Variants in TNPO1 observed in about 807,000 individuals in gnomAD.
TNPO1 encodes the protein transportin 1.
TNPO1 carries 8 observed loss-of-function variants against 119.5 expected under a neutral mutation model. That is an observed-to-expected ratio of 0.07 (90% CI 0.04 to 0.12). The LOEUF is 0.12. Ranked by LOEUF, TNPO1 falls within the 10% of genes least tolerant of loss-of-function variation. The pLI is 1.00. For synonymous variants in TNPO1, 362 were observed against 363.0 expected, an observed-to-expected ratio of 1.00 and a Z score of 0.03; for missense variants, 576 against 1,089.8, an observed-to-expected ratio of 0.53 and a Z score of 6.64.
intron 1 of TNPO1, 94 bp downstream of exon 1, chr5:72,816,846 C>T: frequency 1.4e-6 from 2 of 1,414,278 alleles, no homozygotes; most frequent in South Asian, 1.3e-5. Flanking sequence ...GGAGAGACGC[C>T]GGGCTCGCCC....
intron 6 of TNPO1, among the ~76,000 whole-genome samples, chr5:72,870,177 T>TTTTTTG (rs1747280135): frequency 6.7e-6 from 1 of 149,354 alleles, no homozygotes; most frequent in African/African-American, 2.5e-5. Flanking sequence ...TTTTTTTTTT[T>TTTTTTG]GAGACGGAGT....
Position 72,851,206 on chromosome 5 carries a change from T to C in TNPO1, c.130-38T>C, listed in dbSNP as rs1745522942. The C allele has an allele frequency of 3.2e-6, 4 of 1,233,778 alleles. No individual in the cohort carries two copies. The Admixed American group carries it at 5.6e-5, about 17-fold the overall frequency. 76.4% of individuals were successfully genotyped at this position (1,233,778 alleles called of 1,614,324 possible). A position where few individuals can be genotyped will look rare whatever the true frequency, so the allele number is the denominator to read the frequency against. On this transcript the variant is annotated intron_variant, in intron 2 of 24. Coordinates refer to ENST00000337273, the MANE Select transcript of TNPO1 (RefSeq NM_002270.4). Reference sequence around the variant, plus strand: ...TAAAATGCTTAATTTCTTCCTGAGATTACACAGAGAAGTTTCCTTAACTAC... The same window carrying C: ...TAAAATGCTTAATTTCTTCCTGAGACTACACAGAGAAGTTTCCTTAACTAC...
chr5:72,848,150 G>A (rs1580385412), intron 1 of TNPO1: 2 of 1,205,644 alleles, frequency 1.7e-6, no homozygotes, highest in East Asian at 8.0e-5. Context: ...CTTGCGCTCG[G>A]CGGCCGCGGC....
At chr5:72,865,390 C>T (rs549252719) in intron 5 of TNPO1, among the ~76,000 whole-genome samples, 923 of 88,868 alleles carry the variant, frequency 0.01, 6 homozygotes, top group Non-Finnish European at 0.016. Flanking sequence ...TGCAGTGACC[C>T]GAGATGGTGC....
intron 2 of TNPO1, among the ~76,000 whole-genome samples, 154 bp downstream of exon 2, chr5:72,848,652 C>T (rs1045484050): frequency 1.3e-5 from 2 of 149,296 alleles, no homozygotes; most frequent in African/African-American, 4.9e-5. Flanking sequence ...GGGGAAGCCG[C>T]CGCTGCCCCT....
Position 72,851,337 on chromosome 5 carries a change from T to C in TNPO1, c.205+18T>C, listed in dbSNP as rs758951722. ...ATCTGAAGGTAAGTAGGATTTGTAT[T>C]GATAACTATTTAAAGTTTCTTTAAG... On this transcript the variant is annotated intron_variant, in intron 3 of 24. Transcript: ENST00000337273. 15 of 1,393,784 alleles carry C rather than the reference T, an allele frequency of 1.1e-5. No individual in the cohort carries two copies. The South Asian group carries it at 1.8e-4, about 17-fold the overall frequency. The allele number at this position is 1,393,784 out of a possible 1,614,324, so 86.3% of individuals were successfully genotyped here.
intron 2 of TNPO1, among the ~76,000 whole-genome samples, chr5:72,849,739 CT>C (rs1433975582): frequency 2.6e-4 from 39 of 152,282 alleles, no homozygotes; most frequent in Middle Eastern, 3.4e-3. Flanking sequence ...GGAAAGAACA[CT>C]TTTGGAATGT....
chr5:72,890,472 G>A (rs1391672858), intron 14 of TNPO1, among the ~76,000 whole-genome samples: 2 of 152,154 alleles, frequency 1.3e-5, no homozygotes, highest in Admixed American at 6.5e-5. Context: ...GTCTAATGAG[G>A]ATTTAAGTGA....
intron 6 of TNPO1, among the ~76,000 whole-genome samples, chr5:72,866,857 G>A (rs149734197): frequency 2.6e-5 from 4 of 152,052 alleles, no homozygotes; most frequent in African/African-American, 7.2e-5. Flanking sequence ...TTTTTATTTT[G>A]TAGATGGTCA....
intron 14 of TNPO1, among the ~76,000 whole-genome samples, chr5:72,890,833 C>G (rs947300898): frequency 3.9e-5 from 6 of 152,090 alleles, no homozygotes; most frequent in African/African-American, 1.4e-4. Context: ...AGCCATATTA[C>G]ACGTTACAGT....
At chr5:72,893,070 A>G in intron 15 of TNPO1, 69 bp from the exon 16 acceptor site, 1 of 1,189,630 alleles carries the variant, frequency 8.4e-7, no homozygotes, top group East Asian at 2.4e-5. Context: ...TGTTGAGCGC[A>G]GTTTCAAGCA....
intron 1 of TNPO1, among the ~76,000 whole-genome samples, chr5:72,843,332 G>A (rs546538669): frequency 3.9e-5 from 6 of 152,208 alleles, no homozygotes; most frequent in African/African-American, 1.2e-4. Flanking sequence ...GGTGGCTCAC[G>A]CCTGTAATCC....
chr5:72,882,126 T>C (rs1445863726), intron 9 of TNPO1, among the ~76,000 whole-genome samples: 3 of 152,212 alleles, frequency 2.0e-5, no homozygotes, highest in Non-Finnish European at 4.4e-5. Flanking sequence ...TTACAAAATA[T>C]AGCTCTATGT....
chr5:72,864,692 T>A (rs187582442), intron 5 of TNPO1, among the ~76,000 whole-genome samples: 1 of 152,248 alleles, frequency 6.6e-6, no homozygotes, highest in Admixed American at 6.5e-5. Context: ...CACTGCACCC[T>A]CTGCCTCCCA....
At chr5:72,866,749 G>T (rs1453423973) in intron 6 of TNPO1, among the ~76,000 whole-genome samples, 1 of 152,036 alleles carries the variant, frequency 6.6e-6, no homozygotes, top group Non-Finnish European at 1.5e-5. Flanking sequence ...ATGAGACCTT[G>T]TCTCAAAAAA....
chr5:72,844,245 C>T (rs1745033905), intron 1 of TNPO1, among the ~76,000 whole-genome samples: 2 of 152,146 alleles, frequency 1.3e-5, no homozygotes, highest in Admixed American at 6.5e-5. Context: ...ACACTTAAGT[C>T]TTGTGAGGAG....
In TNPO1 at chr5:72,909,013, A is replaced by G. The variant is rs1413092691; in HGVS notation, c.*340A>G. 5.5e-6 allele frequency: 2 copies of G among 366,334 alleles called. No homozygotes were observed. Among genetic ancestry groups the G allele is most frequent in the Non-Finnish European group, 1.1e-5 (2 of 181,892 alleles). The allele number at this position is 366,334 out of a possible 1,614,324, so 22.7% of individuals were successfully genotyped here. A position where few individuals can be genotyped will look rare whatever the true frequency, so the allele number is the denominator to read the frequency against. ...ATTGTGGAATATTATGGGGAATTGT[A>G]CCAAAACAAGAACCATATAAATGAT... On this transcript the variant is annotated 3_prime_UTR_variant, in exon 25 of 25. Coordinates refer to ENST00000337273, the MANE Select transcript of TNPO1 (RefSeq NM_002270.4).
At chr5:72,892,847 C>T (rs1432724377) in intron 15 of TNPO1, among the ~76,000 whole-genome samples, 1 of 152,050 alleles carries the variant, frequency 6.6e-6, no homozygotes, top group Non-Finnish European at 1.5e-5. Context: ...AAATGAATCT[C>T]TTCAATTTGA....
chr5:72,888,628 CAG>C (rs1264550140), intron 13 of TNPO1, among the ~76,000 whole-genome samples: 4 of 152,212 alleles, frequency 2.6e-5, no homozygotes, highest in Non-Finnish European at 5.9e-5. Flanking sequence ...TTTTCCCACT[CAG>C]TGGTTATTAT....
Sources: allele counts gnomAD v4.1 joint callset (sites outside exome capture counted in the v4.1 genomes callset), GRCh38; gene constraint gnomAD v4.1.1; transcripts MANE v1.5; gene names NCBI Gene and HGNC (gene_info 2026-07-23, HGNC 2026-07-21).